HTRA4: variants seen among roughly 807,000 people sequenced by gnomAD.
The protein encoded by HTRA4 is serine protease HTRA4.
A neutral mutation model predicts 49.1 loss-of-function variants in HTRA4; 46 were observed. The observed-to-expected ratio is 0.94, with a 90% CI of 0.74 to 1.20. The LOEUF is 1.20. Among genes scored for constraint, HTRA4 ranks in the 50% most tolerant of loss-of-function variants. The probability of loss-of-function intolerance (pLI) is 0.00; values close to 1 mark genes in which losing one functional copy is unlikely to be tolerated. For missense variants in HTRA4, 602 were observed against 636.9 expected (o/e 0.95, Z 0.59); for synonymous variants, 261 against 264.0 (o/e 0.99, Z 0.11).
chr8:38,974,420 C>G lies in HTRA4; in HGVS notation c.157C>G (p.Pro53Ala), dbSNP rs1181232656. Residue 53 changes from proline to alanine, a missense_variant, in exon 1 of 9, where the codon CCC (proline) becomes GCC (alanine). Transcript: ENST00000302495. Reference sequence around the variant, plus strand: ...CCAGCCCACGCGCTGCCCCGCGCTGCCCACCTGCGCGCTGGGGACCACGCC... The same window carrying G: ...CCAGCCCACGCGCTGCCCCGCGCTGGCCACCTGCGCGCTGGGGACCACGCC... ...VCQPTRCPAL[P>A]TCALGTTPVF... 1.9e-6 allele frequency: 3 copies of G among 1,551,938 alleles called. No individual in the cohort carries two copies. The highest frequency in any genetic ancestry group is 2.1e-4 in the Middle Eastern group (1 of 4,762).
At chr8:38,984,799 C>G (rs1835465276) in intron 8 of HTRA4, among the ~76,000 whole-genome samples, 3 of 152,024 alleles carry the variant, frequency 2.0e-5, no homozygotes, top group African/African-American at 2.4e-5. Flanking sequence ...TGGTTTGCAC[C>G]TGTGGTCCCA....
At chr8:38,981,618 A>C (rs373993177) in intron 5 of HTRA4, 35 bp from the exon 6 acceptor site, 38 of 1,530,912 alleles carry the variant, frequency 2.5e-5, no homozygotes, top group Non-Finnish European at 3.3e-5. Context: ...AGTTTGCAAA[A>C]CTTCATGACT....
chr8:38,984,070 G>A (rs1226427462), intron 8 of HTRA4, among the ~76,000 whole-genome samples: 3 of 151,390 alleles, frequency 2.0e-5, no homozygotes, highest in Non-Finnish European at 4.4e-5. Flanking sequence ...GTGCAATCTT[G>A]GCTCACTGCA....
chr8:38,979,843 T>G (rs1361808364), intron 5 of HTRA4, among the ~76,000 whole-genome samples: 2 of 152,144 alleles, frequency 1.3e-5, no homozygotes, highest in African/African-American at 4.8e-5. Context: ...AAACCCAGGT[T>G]TATGCCAAAT....
chr8:38,985,894 T>G (rs1207235050), intron 8 of HTRA4, among the ~76,000 whole-genome samples: 1 of 152,184 alleles, frequency 6.6e-6, no homozygotes, highest in African/African-American at 2.4e-5. Flanking sequence ...TGCTGGAAGT[T>G]GCTGATAAAC....
At position 38,974,274 on chromosome 8, in the gene HTRA4, C is replaced by A. The variant is rs1364584491; in HGVS notation, c.11C>A (p.Pro4His). Reference sequence around the variant, plus strand: ...CGAGGAAGGAACAGGATGATTAGACCTCAGCTGCGGACCGCGGGGCTGGGA... The same window carrying A: ...CGAGGAAGGAACAGGATGATTAGACATCAGCTGCGGACCGCGGGGCTGGGA... MIR[P>H]QLRTAGLGRC... Residue 4 changes from proline to histidine, a missense_variant, in exon 1 of 9, where the codon CCT becomes CAT. Transcript: ENST00000302495. 4 of 1,612,170 alleles carry A rather than the reference C, an allele frequency of 2.5e-6. No individual in the cohort carries two copies. In the South Asian group the frequency reaches 4.4e-5, roughly 18 times the overall value.
At chr8:38,977,413 C>G (rs922276963) in intron 3 of HTRA4, among the ~76,000 whole-genome samples, 4 of 152,278 alleles carry the variant, frequency 2.6e-5, no homozygotes, top group African/African-American at 9.6e-5. Flanking sequence ...TACTGGTAGT[C>G]TGCACATCAC....
chr8:38,984,309 G>C (rs1835459055), intron 8 of HTRA4, among the ~76,000 whole-genome samples: 1 of 151,166 alleles, frequency 6.6e-6, no homozygotes, highest in Non-Finnish European at 1.5e-5. Flanking sequence ...CCATATTTTA[G>C]GTATTTTAAA....
intron 6 of HTRA4, 44 bp downstream of exon 6, chr8:38,981,811 C>CT (rs764186289): frequency 7.5e-7 from 1 of 1,337,488 alleles, no homozygotes; most frequent in South Asian, 1.2e-5. Flanking sequence ...TCGTCTTGTG[C>CT]TTTTCAGGAA....
intron 6 of HTRA4, 138 bp downstream of exon 6, chr8:38,981,905 T>C: frequency 1.6e-6 from 1 of 637,596 alleles, no homozygotes. Context: ...TGGAGTGCAG[T>C]GGCGTGATCT....
intron 8 of HTRA4, among the ~76,000 whole-genome samples, chr8:38,984,826 G>A (rs1315281963): frequency 1.3e-5 from 2 of 152,096 alleles, no homozygotes; most frequent in Admixed American, 6.6e-5. Context: ...TGGGGAGGTC[G>A]AGATGGGAGG....
At chr8:38,981,489 C>T (rs1835423932) in intron 5 of HTRA4, among the ~76,000 whole-genome samples, 164 bp from the exon 6 acceptor site, 1 of 152,026 alleles carries the variant, frequency 6.6e-6, no homozygotes, top group Non-Finnish European at 1.5e-5. Flanking sequence ...ACACTATTTG[C>T]CCTATAAAGG....
chr8:38,981,682 G>A lies in HTRA4; in HGVS notation c.1029G>A (p.Leu343=), dbSNP rs1588293575. The A allele has an allele frequency of 6.2e-7, 1 of 1,613,552 alleles. No homozygotes were observed. The highest frequency in any genetic ancestry group is 2.2e-5 in the East Asian group (1 of 44,808). ...LDGDVIGVNS[L]RVTDGISFAI... The stretch of plus-strand genomic sequence containing the variant: ...GTGATGTGATTGGCGTCAATTCATT[G>A]AGGGTGACTGATGGAATCTCCTTTG... The change falls in exon 6 of 9, where the codon TTG becomes TTA. Residue 343 remains leucine (L), a synonymous_variant. Transcript: ENST00000302495.
rs1835390116 is a variant in HTRA4, at chr8:38,979,170, G to A, written c.967-45G>A. ...CTATGTGTAAAGGACAAGGGGGAAT[G>A]TATTCATTAGCTTCACTGATGTCTT... On this transcript the variant is annotated intron_variant, in intron 4 of 8. Coordinates refer to ENST00000302495, the MANE Select transcript of HTRA4 (RefSeq NM_153692.4). 8 of 1,534,400 alleles carry A rather than the reference G, an allele frequency of 5.2e-6. No individual in the cohort carries two copies. The East Asian group carries it at 1.8e-4, about 34-fold the overall frequency.
At position 38,976,556 on chromosome 8, in the gene HTRA4, T is replaced by C; in HGVS notation, c.588T>C (p.Leu196=). The change falls in exon 3 of 9, where the codon CTT becomes CTC. Residue 196 remains leucine (L), a synonymous_variant. Coordinates refer to ENST00000302495, the MANE Select transcript of HTRA4 (RefSeq NM_153692.4). ...ACAGGTTACTTCACGGCAGCAGGCTTGTTCCTGTGTACAGTGGCTCTGGGT... is the reference window on the plus strand; with the variant it reads ...ACAGGTTACTTCACGGCAGCAGGCTCGTTCCTGTGTACAGTGGCTCTGGGT... ...LWGRLLHGSR[L]VPVYSGSGFI... is the part of the protein sequence containing the mutation. 1 of 1,614,082 alleles carries C rather than the reference T, an allele frequency of 6.2e-7. No individual in the cohort carries two copies. The highest frequency in any genetic ancestry group is 1.3e-5 in the African/African-American group (1 of 75,064).
intron 2 of HTRA4, among the ~76,000 whole-genome samples, chr8:38,976,140 G>A (rs1473916072): frequency 6.6e-6 from 1 of 152,158 alleles, no homozygotes; most frequent in South Asian, 2.1e-4. Context: ...GGCTGGGTAC[G>A]GTGGCTCATG....
At chr8:38,983,526 A>T (rs76543469) in intron 8 of HTRA4, among the ~76,000 whole-genome samples, 1 of 150,140 alleles carries the variant, frequency 6.7e-6, no homozygotes, top group Non-Finnish European at 1.5e-5. Flanking sequence ...ACTCCACCTC[A>T]AAAAAAAAAA....
intron 5 of HTRA4, among the ~76,000 whole-genome samples, chr8:38,979,591 G>C (rs1421779894): frequency 6.6e-6 from 1 of 152,154 alleles, no homozygotes; most frequent in African/African-American, 2.4e-5. Context: ...GAGAACACTA[G>C]GGTTCTAGCT....
Position 38,988,270 on chromosome 8 carries a change from TGTG to T in HTRA4, c.*175_*177del. 1.7e-6 allele frequency: 1 copy of T among 585,308 alleles called. No homozygotes were observed. The highest frequency in any genetic ancestry group is 2.9e-6 in the Non-Finnish European group (1 of 340,662). The allele number at this position is 585,308 out of a possible 1,614,324, so 36.3% of individuals were successfully genotyped here. On this transcript the variant is annotated 3_prime_UTR_variant, in exon 9 of 9. Transcript: ENST00000302495. ...TCAATGACAGACTGGATAAAGCAAA[TGTG>T]GTACATATACACCATGGAATACTAT... is the stretch of plus-strand genomic sequence containing the variant.
Sources: allele counts gnomAD v4.1 joint callset (sites outside exome capture counted in the v4.1 genomes callset), GRCh38; gene constraint gnomAD v4.1.1; transcripts MANE v1.5; gene names NCBI Gene and HGNC (gene_info 2026-07-23, HGNC 2026-07-21).